CLMP: variants seen among roughly 807,000 people sequenced by gnomAD.
CLMP encodes CXADR like cell adhesion molecule.
A neutral mutation model predicts 45.2 loss-of-function variants in CLMP; 27 were observed. The ratio of observed to expected loss-of-function variants is 0.60; its 90% CI spans 0.44 to 0.82. CLMP has a LOEUF of 0.82. Among genes scored for constraint, CLMP ranks in the 40% least tolerant of loss-of-function variants. CLMP has a pLI of 0.00. For missense variants in CLMP, 403 were observed against 448.4 expected (o/e 0.90, Z 0.91); for synonymous variants, 167 against 171.4 (o/e 0.97, Z 0.20).
rs867670972 is a variant in CLMP, at chr11:123,099,364, A to T, written c.29-1412T>A. Among the ~76,000 whole-genome samples the T allele has an allele frequency of 3.9e-5, 6 of 152,356 alleles. 1 individual carries two copies. The Middle Eastern group carries it at 0.01, about 259-fold the overall frequency. ...GAAGGATGAAAAGACAATTACACAA[A>T]TACTGTAGTATAAAGGGAAATTATT... On this transcript the variant is annotated intron_variant, in intron 1 of 6. Transcript: ENST00000448775.
chr11:123,103,370 AT>A (rs1444946714), intron 1 of CLMP, among the ~76,000 whole-genome samples: 2 of 152,174 alleles, frequency 1.3e-5, no homozygotes, highest in African/African-American at 4.8e-5. Flanking sequence ...TCAATAACAA[AT>A]GCCAAGAGCC....
In CLMP at chr11:123,099,180, GA is replaced by G. The variant is rs762292073; in HGVS notation, c.29-1229del. Reference sequence around the variant, plus strand: ...GTCTTCTATTAGCAGAGGCTTCCAAGAAGATGATACTCATGGAAACTGCACT... The same window carrying G: ...GTCTTCTATTAGCAGAGGCTTCCAAGAGATGATACTCATGGAAACTGCACT... On this transcript the variant is annotated intron_variant, in intron 1 of 6. Transcript: ENST00000448775. Among the ~76,000 whole-genome samples, 5 of 152,176 alleles carry G rather than the reference GA, an allele frequency of 3.3e-5. 1 individual carries two copies. Among genetic ancestry groups the G allele is most frequent in the Admixed American group, 2.0e-4 (3 of 15,270 alleles).
intron 1 of CLMP, among the ~76,000 whole-genome samples, chr11:123,191,938 G>A (rs1267522710): frequency 1.3e-5 from 2 of 152,150 alleles, no homozygotes; most frequent in South Asian, 2.1e-4. Context: ...GAAGGCTATT[G>A]GGATTCAAAG....
chr11:123,077,425 G>A (rs757973861), intron 5 of CLMP, among the ~76,000 whole-genome samples: 16 of 152,138 alleles, frequency 1.1e-4, no homozygotes, highest in African/African-American at 2.9e-4. Context: ...TCTGCCTCCC[G>A]GGTTCAAGTG....
chr11:123,193,345 A>G (rs992006939), intron 1 of CLMP, among the ~76,000 whole-genome samples: 1 of 152,250 alleles, frequency 6.6e-6, no homozygotes, highest in Non-Finnish European at 1.5e-5. Context: ...TAGTACATAT[A>G]AAGTGTTCAT....
rs1860475274 is a variant in CLMP at position 123,102,948 on chromosome 11, T to C, written c.29-4996A>G. 2.0e-5 allele frequency among the ~76,000 whole-genome samples: 3 copies of C among 152,080 alleles called. No homozygotes were observed. The South Asian group carries it at 6.2e-4, about 32-fold the overall frequency. Reference sequence around the variant, plus strand: ...ACATCAAGTACCATTCATTGCTGCCTTCTCATAGTACTCAGCCCAGGGTCT... The same window carrying C: ...ACATCAAGTACCATTCATTGCTGCCCTCTCATAGTACTCAGCCCAGGGTCT... On this transcript the variant is annotated intron_variant, in intron 1 of 6. Transcript: ENST00000448775.
At chr11:123,119,562 C>T (rs762749781) in intron 1 of CLMP, among the ~76,000 whole-genome samples, 36 of 152,244 alleles carry the variant, frequency 2.4e-4, no homozygotes, top group Middle Eastern at 3.4e-3. Flanking sequence ...TTTCGAATAA[C>T]GTAATGTAAG....
intron 1 of CLMP, among the ~76,000 whole-genome samples, chr11:123,157,084 C>T (rs1050692507): frequency 6.6e-6 from 1 of 152,172 alleles, no homozygotes; most frequent in Admixed American, 6.5e-5. Flanking sequence ...CAAAACAAAA[C>T]TCAGAGGCAC....
At chr11:123,126,262 T>C (rs927191572) in intron 1 of CLMP, among the ~76,000 whole-genome samples, 1 of 152,222 alleles carries the variant, frequency 6.6e-6, no homozygotes, top group African/African-American at 2.4e-5. Context: ...TCTTTTCAAT[T>C]CTTCTTTGTA....
intron 2 of CLMP, among the ~76,000 whole-genome samples, chr11:123,085,803 T>C (rs1356085433): frequency 6.8e-6 from 1 of 147,090 alleles, no homozygotes; most frequent in African/African-American, 2.5e-5. Flanking sequence ...TGAGATAGAG[T>C]CTCACTCTTG....
intron 5 of CLMP, among the ~76,000 whole-genome samples, chr11:123,075,637 T>G (rs138707160): frequency 0.011 from 1,669 of 151,928 alleles, 31 homozygotes; most frequent in African/African-American, 0.038. Context: ...TCCGCCCTCC[T>G]CGTTCTCCCA....
At chr11:123,102,281 T>G (rs1469345186) in intron 1 of CLMP, among the ~76,000 whole-genome samples, 2 of 110,340 alleles carry the variant, frequency 1.8e-5, no homozygotes, top group South Asian at 5.8e-4. Context: ...CTTTCCAGGT[T>G]TTTTTTTTTT....
intron 1 of CLMP, among the ~76,000 whole-genome samples, chr11:123,177,414 A>G (rs2135545438): frequency 6.6e-6 from 1 of 152,168 alleles, no homozygotes; most frequent in African/African-American, 2.4e-5. Flanking sequence ...TGAATCAGGA[A>G]CCCTCAGCTG....
intron 1 of CLMP, among the ~76,000 whole-genome samples, chr11:123,143,950 A>T (rs1861201836): frequency 6.6e-6 from 1 of 152,106 alleles, no homozygotes; most frequent in Non-Finnish European, 1.5e-5. Flanking sequence ...CAGGGACTAC[A>T]GGTGTGCACC....
chr11:123,164,098 A>T (rs1021279992), intron 1 of CLMP, among the ~76,000 whole-genome samples: 6 of 152,192 alleles, frequency 3.9e-5, no homozygotes. Context: ...TTCCAGGGGA[A>T]GTACTAAATA....
intron 1 of CLMP, among the ~76,000 whole-genome samples, chr11:123,144,506 G>C (rs1251887656): frequency 3.3e-5 from 5 of 152,154 alleles, no homozygotes; most frequent in Admixed American, 2.6e-4. Flanking sequence ...TGAGTAGCTG[G>C]CATTACAGGC....
chr11:123,159,112 A>C (rs1380478167), intron 1 of CLMP, among the ~76,000 whole-genome samples: 1 of 152,236 alleles, frequency 6.6e-6, no homozygotes, highest in Non-Finnish European at 1.5e-5. Context: ...AAGATCCGTC[A>C]AAGCATTAAA....
In CLMP at chr11:123,150,472, AAAGAAAGAAAGGAAGGAAGGAAGG is replaced by A. The variant is rs1565397395; in HGVS notation, c.28+44417_28+44440del. On this transcript the variant is annotated intron_variant, in intron 1 of 6. Coordinates refer to ENST00000448775, the MANE Select transcript of CLMP (RefSeq NM_024769.5). ...GAAAGAAAGAAAGAAAGAAAGAAAG[AAAGAAAGAAAGGAAGGAAGGAAGG>A]AAGGAAGGAAGGAAGGAAGGAAGGA... Among the ~76,000 whole-genome samples, 6 of 84,348 alleles carry A rather than the reference AAAGAAAGAAAGGAAGGAAGGAAGG, an allele frequency of 7.1e-5. No homozygotes were observed. The East Asian group carries it at 1.8e-3, about 26-fold the overall frequency. 55.3% of individuals were successfully genotyped at this position (84,348 alleles called of 152,430 possible).
chr11:123,111,480 T>G (rs1860637690), intron 1 of CLMP, among the ~76,000 whole-genome samples: 1 of 152,192 alleles, frequency 6.6e-6, no homozygotes, highest in Non-Finnish European at 1.5e-5. Context: ...TTGAAGGGAC[T>G]TTTCAAGATT....
Sources: allele counts gnomAD v4.1 joint callset (sites outside exome capture counted in the v4.1 genomes callset), GRCh38; gene constraint gnomAD v4.1.1; transcripts MANE v1.5; gene names NCBI Gene and HGNC (gene_info 2026-07-23, HGNC 2026-07-21).